Variants in KDM4B observed in about 807,000 individuals in gnomAD.
KDM4B encodes lysine-specific demethylase 4B.
Under a neutral mutation model 125.2 loss-of-function variants are expected in KDM4B, and 32 were observed. The ratio of observed to expected loss-of-function variants is 0.26; its 90% CI spans 0.19 to 0.34. The LOEUF is 0.34. Ranked by LOEUF, KDM4B falls within the 10% of genes least tolerant of loss-of-function variation. The probability of loss-of-function intolerance (pLI) is 1.00; values close to 1 mark genes in which losing one functional copy is unlikely to be tolerated. For missense variants in KDM4B, 1,190 were observed against 1,577.7 expected, an observed-to-expected ratio of 0.75 and a Z score of 4.16; for synonymous variants, 721 against 677.9, an observed-to-expected ratio of 1.06 and a Z score of -0.99.
At chr19:5,056,647 C>T (rs529527845) in intron 6 of KDM4B, among the ~76,000 whole-genome samples, 2 of 152,346 alleles carry the variant, frequency 1.3e-5, no homozygotes, top group Admixed American at 1.3e-4. Context: ...CTCAGGTGAT[C>T]TGCCTGCCTT....
intron 6 of KDM4B, among the ~76,000 whole-genome samples, chr19:5,059,269 G>A (rs2037507369): frequency 6.6e-6 from 1 of 152,240 alleles, no homozygotes; most frequent in South Asian, 2.1e-4. Flanking sequence ...GGCAGCGCAT[G>A]GCTTCCTCCC....
intron 13 of KDM4B, 93 bp downstream of exon 13, chr19:5,132,100 C>A: frequency 7.1e-7 from 1 of 1,416,466 alleles, no homozygotes; most frequent in Non-Finnish European, 9.4e-7. Context: ...CGGCTTCCTT[C>A]CCCCACTTCC....
chr19:5,147,766 A>G (rs1194480716), intron 21 of KDM4B, among the ~76,000 whole-genome samples: 4 of 144,782 alleles, frequency 2.8e-5, no homozygotes, highest in South Asian at 2.2e-4. Flanking sequence ...AAAAAAAGTC[A>G]CATTTCCAGA....
chr19:5,045,438 GT>G (rs1389891519), intron 5 of KDM4B, among the ~76,000 whole-genome samples: 1 of 152,092 alleles, frequency 6.6e-6, no homozygotes, highest in South Asian at 2.1e-4. Context: ...CCAGGTTGGA[GT>G]GCAGTGGCGT....
In KDM4B at chr19:5,142,952, C is replaced by G. The variant is rs539810372; in HGVS notation, c.2551-1015C>G. On this transcript the variant is annotated intron_variant, in intron 18 of 22. Transcript: ENST00000159111. The surrounding 1 kb of genome is among the most constrained non-coding windows in gnomAD (Gnocchi z 5.4). Reference sequence around the variant, plus strand: ...GTGCTGGCTCGGGCAGGTGTTGCAGCGGGAGCCTCAAGGGATGAAAGGTGG... The same window carrying G: ...GTGCTGGCTCGGGCAGGTGTTGCAGGGGGAGCCTCAAGGGATGAAAGGTGG... 6.6e-6 allele frequency among the ~76,000 whole-genome samples: 1 copy of G among 152,070 alleles called. No individual in the cohort carries two copies. The highest frequency in any genetic ancestry group is 1.9e-4 in the East Asian group (1 of 5,160).
chr19:5,065,772 C>T (rs1237816039), intron 6 of KDM4B, among the ~76,000 whole-genome samples: 1 of 152,248 alleles, frequency 6.6e-6, no homozygotes, highest in African/African-American at 2.4e-5. Flanking sequence ...CATCCATCCC[C>T]TCCTCTGCAC....
chr19:5,094,196 G>A (rs906647522), intron 9 of KDM4B, among the ~76,000 whole-genome samples: 23 of 152,330 alleles, frequency 1.5e-4, no homozygotes, highest in Admixed American at 6.5e-4. Context: ...GCTGACCCCC[G>A]GCAGGCCCTG....
At position 5,143,999 on chromosome 19, in the gene KDM4B, G is replaced by A; in HGVS notation, c.2583G>A (p.Lys861=). 6.3e-7 allele frequency: 1 copy of A among 1,588,520 alleles called. No individual in the cohort carries two copies. The highest frequency in any genetic ancestry group is 8.6e-7 in the Non-Finnish European group (1 of 1,159,456). ...KCVYCRKRMK[K]VSGACIQCSY... The stretch of plus-strand genomic sequence containing the variant: ...TGTACTGCCGGAAGCGGATGAAGAA[G>A]GTGTCAGGTGCCTGTATCCAGTGCT... The change falls in exon 19 of 23, where the codon AAG becomes AAA. Residue 861 remains lysine, a synonymous_variant. Coordinates refer to ENST00000159111, the MANE Select transcript of KDM4B (RefSeq NM_015015.3).
intron 1 of KDM4B, among the ~76,000 whole-genome samples, chr19:5,010,020 C>T (rs2035679932): frequency 6.6e-6 from 1 of 152,258 alleles, no homozygotes; most frequent in South Asian, 2.1e-4. Context: ...GTGTGAGCCA[C>T]TGCACCTGGC....
chr19:5,146,751 ACCCCCC>A (rs775578381), intron 21 of KDM4B, among the ~76,000 whole-genome samples: 2 of 31,994 alleles, frequency 6.3e-5, no homozygotes, highest in Non-Finnish European at 1.2e-4. Context: ...ACAAAGTGAG[ACCCCCC>A]CCCCCCCCAC....
At chr19:5,002,685 G>T (rs1415662236) in intron 1 of KDM4B, among the ~76,000 whole-genome samples, 1 of 151,950 alleles carries the variant, frequency 6.6e-6, no homozygotes, top group Non-Finnish European at 1.5e-5. Context: ...AGTTAGCTGG[G>T]CACGGTGGCT....
At chr19:5,051,494 G>A (rs1274361685) in intron 6 of KDM4B, among the ~76,000 whole-genome samples, 1 of 152,260 alleles carries the variant, frequency 6.6e-6, no homozygotes, top group African/African-American at 2.4e-5. Context: ...GAAGCCAGAT[G>A]GGGGATCAGC....
chr19:5,144,250 C>A lies in KDM4B; in HGVS notation c.2739C>A (p.Val913=). 6.3e-7 allele frequency: 1 copy of A among 1,597,566 alleles called. No individual in the cohort carries two copies. Among genetic ancestry groups the A allele is most frequent in the Admixed American group, 1.7e-5 (1 of 58,554 alleles). Residue 913 remains valine (V), a splice_region_variant and synonymous_variant, in exon 20 of 23, where the codon GTC becomes GTA. Transcript: ENST00000159111. ...CCACACCCTCCGCACCCTCCCAGGT[C>A]CAACTCCTGAGGGCCGTGTCCCTAG... ...CLKHKSGGHA[V]QLLRAVSLGQ... is the part of the protein sequence containing the mutation.
intron 15 of KDM4B, 36 bp downstream of exon 15, chr19:5,135,597 C>T (rs768051223): frequency 2.0e-6 from 3 of 1,526,518 alleles, no homozygotes; most frequent in South Asian, 1.2e-5. Flanking sequence ...GAGCTGCGCC[C>T]TCCTTCAGGG....
At chr19:5,131,050 C>T (rs1275711936) in intron 11 of KDM4B, 26 bp from the exon 12 acceptor site, 7 of 1,472,810 alleles carry the variant, frequency 4.8e-6, no homozygotes, top group East Asian at 4.7e-5. Flanking sequence ...GTTCTCCTCC[C>T]TGACCTCCCT....
intron 9 of KDM4B, among the ~76,000 whole-genome samples, chr19:5,101,241 ATC>A (rs1555713715): frequency 6.6e-6 from 1 of 150,474 alleles, no homozygotes; most frequent in Non-Finnish European, 1.5e-5. Flanking sequence ...AAAAAAAAAA[ATC>A]TTCTCTGTCC....
At chr19:5,113,689 C>T (rs2039196863) in intron 10 of KDM4B, among the ~76,000 whole-genome samples, 1 of 152,144 alleles carries the variant, frequency 6.6e-6, no homozygotes, top group South Asian at 2.1e-4. Flanking sequence ...TATCCCTGGC[C>T]TCCACCCACT....
chr19:5,049,258 C>T (rs1166148795), intron 6 of KDM4B, among the ~76,000 whole-genome samples: 2 of 152,112 alleles, frequency 1.3e-5, no homozygotes, highest in Non-Finnish European at 2.9e-5. Context: ...CCTCTGAGGG[C>T]ATCCCGCACC....
intron 6 of KDM4B, among the ~76,000 whole-genome samples, chr19:5,059,496 C>G (rs1281444138): frequency 6.6e-6 from 1 of 152,242 alleles, no homozygotes; most frequent in Non-Finnish European, 1.5e-5. Flanking sequence ...GAGCCCAGCC[C>G]GGGTCCCCGA....
Sources: gnomAD v4.1 joint callset for allele counts (sites outside exome capture counted in the v4.1 genomes callset) on GRCh38, gnomAD v4.1.1 for gene constraint, Gnocchi (gnomAD v3.1) non-coding constraint, MANE v1.5 for transcripts, NCBI Gene and HGNC (gene_info 2026-07-23, HGNC 2026-07-21) for gene names.